The following CMYA5 variants were observed in gnomAD, a reference collection of about 807,000 sequenced individuals.
CMYA5 encodes the protein cardiomyopathy-associated protein 5.
A neutral mutation model predicts 318.9 loss-of-function variants in CMYA5; 246 were observed. That is an observed-to-expected ratio of 0.77 (90% CI 0.70 to 0.86). The LOEUF (loss-of-function observed/expected upper bound fraction) is 0.86, where lower values mean the gene tolerates loss of function less well. Among genes scored for constraint, CMYA5 ranks in the 40% least tolerant of loss-of-function variants. CMYA5 has a pLI of 0.00. For synonymous variants in CMYA5, 1,641 were observed against 1,729.5 expected (o/e 0.95, Z 1.27); for missense variants, 4,589 against 4,678.2 (o/e 0.98, Z 0.56).
At chr5:79,722,380 A>T (rs1168203032) in intron 1 of CMYA5, among the ~76,000 whole-genome samples, 2 of 152,192 alleles carry the variant, frequency 1.3e-5, no homozygotes, top group Admixed American at 1.3e-4. Flanking sequence ...AATTAATGAC[A>T]TAAGAATCTA....
At position 79,690,047 on chromosome 5, in the gene CMYA5, C is replaced by G. The variant is rs1037531924; in HGVS notation, c.140C>G (p.Pro47Arg). The change falls in exon 1 of 13, where the codon CCG becomes CGG. Residue 47 changes from proline to arginine, a missense_variant. Pro to Arg is a moderately radical substitution (Grantham distance 103). Coordinates refer to ENST00000446378, the MANE Select transcript of CMYA5 (RefSeq NM_153610.5). ...ACGGCGGCGGAGTCGGAGGAGGAGC[C>G]GGACTCCAGGTAGCGCGAGCCTCTC... ...DETAAESEEE[P>R]DSRLSDQDEE... 7 of 1,453,144 alleles carry G rather than the reference C, an allele frequency of 4.8e-6. No homozygotes were observed. Among genetic ancestry groups the G allele is most frequent in the Non-Finnish European group, 5.5e-6 (6 of 1,098,870 alleles). The allele number at this position is 1,453,144 out of a possible 1,614,324, so 90.0% of individuals were successfully genotyped here.
At chr5:79,776,024 G>A (rs1221596486) in intron 9 of CMYA5, among the ~76,000 whole-genome samples, 1 of 152,166 alleles carries the variant, frequency 6.6e-6, no homozygotes, top group South Asian at 2.1e-4. Flanking sequence ...TTGCAAGAAT[G>A]TTTAATTATA....
chr5:79,692,848 CTA>C (rs1398792874), intron 1 of CMYA5, among the ~76,000 whole-genome samples: 1 of 152,150 alleles, frequency 6.6e-6, no homozygotes, highest in Non-Finnish European at 1.5e-5. Flanking sequence ...AATAATGATC[CTA>C]TTTCACTTTG....
intron 1 of CMYA5, among the ~76,000 whole-genome samples, chr5:79,701,362 A>G (rs1216111086): frequency 6.6e-6 from 1 of 152,186 alleles, no homozygotes; most frequent in Non-Finnish European, 1.5e-5. Context: ...AAAATAAATT[A>G]AATGTTCCTA....
At position 79,735,438 on chromosome 5, in the gene CMYA5, A is replaced by C. The variant is rs747319741; in HGVS notation, c.6673A>C (p.Thr2225Pro). The stretch of plus-strand genomic sequence containing the variant: ...GATAGATCCTGAAGGTACAATTCCC[A>C]CCAATTTTAATGTAGCTGAGAAACC... ...TVIDPEGTIPTNFNVAEKPAD... is the reference protein window; with the variant it reads ...TVIDPEGTIPPNFNVAEKPAD... The change falls in exon 2 of 13, where the codon ACC becomes CCC. Residue 2225 changes from threonine to proline, a missense_variant. Physicochemically the swap from Thr to Pro is conservative, Grantham distance 38. Transcript: ENST00000446378. The C allele has an allele frequency of 6.2e-7, 1 of 1,613,916 alleles. No homozygotes were observed. The highest frequency in any genetic ancestry group is 8.5e-7 in the Non-Finnish European group (1 of 1,179,816).
At chr5:79,744,726 A>T (rs148573525) in intron 3 of CMYA5, among the ~76,000 whole-genome samples, 1 of 152,312 alleles carries the variant, frequency 6.6e-6, no homozygotes, top group African/African-American at 2.4e-5. Context: ...GAGGATAGCC[A>T]GGCATCTGGA....
rs778121717 is a variant in CMYA5 at position 79,728,958 on chromosome 5, A to T, written c.193A>T (p.Ile65Phe). 1 of 1,612,416 alleles carries T rather than the reference A, an allele frequency of 6.2e-7. No homozygotes were observed. The highest frequency in any genetic ancestry group is 2.2e-5 in the East Asian group (1 of 44,848). Residue 65 changes from isoleucine to phenylalanine, a missense_variant, in exon 2 of 13, where the codon ATC (isoleucine) becomes TTC (phenylalanine). This residue lies in a region of CMYA5 where 2,132 missense variants were observed against 2,131.3 expected (regional missense o/e 1.00). Coordinates refer to ENST00000446378, the MANE Select transcript of CMYA5 (RefSeq NM_153610.5). ...AGAGGGAAAGATCAAGCAGGAGTATATCATATCTGACCCCTCCTTTTCCAT... is the reference window on the plus strand; with the variant it reads ...AGAGGGAAAGATCAAGCAGGAGTATTTCATATCTGACCCCTCCTTTTCCAT... ...DEEGKIKQEY[I>F]ISDPSFSMVT...
chr5:79,735,334 G>A lies in CMYA5; in HGVS notation c.6569G>A (p.Ser2190Asn). 3.1e-6 allele frequency: 5 copies of A among 1,613,706 alleles called. No homozygotes were observed. The highest frequency in any genetic ancestry group is 4.2e-6 in the Non-Finnish European group (5 of 1,179,790). The change falls in exon 2 of 13, where the codon AGC becomes AAC. Residue 2190 changes from serine (S) to asparagine (N), a missense_variant. By Grantham distance (46) the Ser-to-Asn change is conservative. Coordinates refer to ENST00000446378, the MANE Select transcript of CMYA5 (RefSeq NM_153610.5). ...SWMSSLFFGS[S>N]TPDNKVAEQE... ...ATGTCCAGCTTGTTTTTTGGATCGA[G>A]CACTCCAGATAACAAAGTTGCTGAA...
chr5:79,790,818 T>C (rs1019344178), intron 10 of CMYA5, among the ~76,000 whole-genome samples, 152 bp from the exon 11 acceptor site: 7 of 152,178 alleles, frequency 4.6e-5, no homozygotes, highest in African/African-American at 1.7e-4. Context: ...GGCCTTATCA[T>C]GAGTGAAGTT....
chr5:79,762,077 C>A, intron 8 of CMYA5, 120 bp downstream of exon 8: 1 of 1,143,728 alleles, frequency 8.7e-7, no homozygotes, highest in Non-Finnish European at 1.2e-6. Flanking sequence ...GTGCAAAGTG[C>A]TGGTTATACA....
intron 1 of CMYA5, among the ~76,000 whole-genome samples, chr5:79,694,225 G>C (rs1057033360): frequency 1.3e-5 from 2 of 152,180 alleles, no homozygotes; most frequent in Non-Finnish European, 2.9e-5. Context: ...TACCAGTCAG[G>C]ATAAAAACAA....
chr5:79,724,981 A>G (rs188130724), intron 1 of CMYA5, among the ~76,000 whole-genome samples: 430 of 152,306 alleles, frequency 2.8e-3, no homozygotes, highest in Admixed American at 5.1e-3. Flanking sequence ...CTTCTTCTAC[A>G]AACCAACTCA....
chr5:79,693,893 A>G (rs1350337213), intron 1 of CMYA5, among the ~76,000 whole-genome samples: 1 of 152,216 alleles, frequency 6.6e-6, no homozygotes. Flanking sequence ...GAAGACAAAT[A>G]TAGCAGGATA....
At chr5:79,751,876 C>T (rs932328894) in intron 5 of CMYA5, among the ~76,000 whole-genome samples, 3 of 152,130 alleles carry the variant, frequency 2.0e-5, no homozygotes, top group Admixed American at 6.5e-5. Context: ...GAACAGAGAT[C>T]TAAATTAAGT....
At chr5:79,691,074 TCCCCTATG>T (rs1206561534) in intron 1 of CMYA5, among the ~76,000 whole-genome samples, 1 of 152,200 alleles carries the variant, frequency 6.6e-6, no homozygotes, top group Non-Finnish European at 1.5e-5. Context: ...CCTAACTTTT[TCCCCTATG>T]GGGAAACGTT....
At chr5:79,714,529 C>T (rs145899425) in intron 1 of CMYA5, among the ~76,000 whole-genome samples, 1 of 147,262 alleles carries the variant, frequency 6.8e-6, no homozygotes, top group Non-Finnish European at 1.5e-5. Flanking sequence ...CCTTGAACTC[C>T]TGGGCTCAAG....
rs745601741 is a variant in CMYA5, at chr5:79,738,363, G to A, written c.9598G>A (p.Ala3200Thr). 3 of 1,613,746 alleles carry A rather than the reference G, an allele frequency of 1.9e-6. No homozygotes were observed. Among genetic ancestry groups the A allele is most frequent in the Non-Finnish European group, 2.5e-6 (3 of 1,179,820 alleles). Residue 3200 changes from alanine to threonine, a missense_variant, in exon 2 of 13, where the codon GCA becomes ACA. Transcript: ENST00000446378. ...AFLYKDLYEEAVGEKKKEEET... is the reference protein window; with the variant it reads ...AFLYKDLYEETVGEKKKEEET... ...TTTATATAAGGATCTGTATGAAGAA[G>A]CAGTTGGAGAGAAAAAGAAGGAAGA...
At chr5:79,712,103 A>G (rs1827403237) in intron 1 of CMYA5, among the ~76,000 whole-genome samples, 1 of 152,204 alleles carries the variant, frequency 6.6e-6, no homozygotes, top group Non-Finnish European at 1.5e-5. Flanking sequence ...GGCACCAGGC[A>G]AAGGGGTCCT....
intron 4 of CMYA5, among the ~76,000 whole-genome samples, chr5:79,746,271 G>A (rs1828320312): frequency 6.6e-6 from 1 of 152,184 alleles, no homozygotes; most frequent in Non-Finnish European, 1.5e-5. Flanking sequence ...AAACTTTGGA[G>A]ATACAGCAAG....
Sources: allele counts gnomAD v4.1 joint callset (sites outside exome capture counted in the v4.1 genomes callset), GRCh38; gene constraint gnomAD v4.1.1; regional missense constraint gnomAD v4.1.1; transcripts MANE v1.5; gene names NCBI Gene and HGNC (gene_info 2026-07-23, HGNC 2026-07-21).